Variants in FRMD4A observed in about 807,000 individuals in gnomAD.
The protein encoded by FRMD4A is FERM domain containing 4A.
Under a neutral mutation model 129.1 loss-of-function variants are expected in FRMD4A, and 29 were observed. The observed-to-expected ratio is 0.22, with a 90% confidence interval of 0.17 to 0.31. The LOEUF (loss-of-function observed/expected upper bound fraction) is 0.31, where lower values mean the gene tolerates loss of function less well. Ranked by LOEUF, FRMD4A falls within the 10% of genes least tolerant of loss-of-function variation. The pLI is 1.00. For missense variants in FRMD4A, 1,272 were observed against 1,375.8 expected (o/e 0.92, Z 1.19); for synonymous variants, 634 against 571.6 (o/e 1.11, Z -1.56).
chr10:13,888,608 C>T (rs1428709574), intron 2 of FRMD4A, among the ~76,000 whole-genome samples: 1 of 152,146 alleles, frequency 6.6e-6, no homozygotes, highest in African/African-American at 2.4e-5. Context: ...AAGATCATTA[C>T]CCTATTGCTT....
chr10:13,654,054 T>TC, intron 23 of FRMD4A: 1 of 434,828 alleles, frequency 2.3e-6, no homozygotes, highest in South Asian at 4.8e-5. Context: ...GCTCTCTTTC[T>TC]CCCCCTGACA....
chr10:14,206,984 T>G (rs1842802817), intron 2 of FRMD4A, among the ~76,000 whole-genome samples: 1 of 152,024 alleles, frequency 6.6e-6, no homozygotes, highest in Non-Finnish European at 1.5e-5. Flanking sequence ...ATCTTGGACC[T>G]AATACCTCTA....
chr10:14,239,596 C>A (rs909007464), intron 2 of FRMD4A, among the ~76,000 whole-genome samples: 10 of 151,910 alleles, frequency 6.6e-5, no homozygotes, highest in African/African-American at 2.4e-4. Context: ...CACTGCACTC[C>A]AGCCTGGGCG....
chr10:13,891,662 C>G (rs1389710504), intron 2 of FRMD4A: 4 of 985,214 alleles, frequency 4.1e-6, no homozygotes, highest in Non-Finnish European at 4.8e-6. Context: ...CGAGGAACTT[C>G]TGGCTGCAAG....
chr10:13,939,213 G>T (rs944916970), intron 2 of FRMD4A, among the ~76,000 whole-genome samples: 4 of 152,192 alleles, frequency 2.6e-5, no homozygotes, highest in Non-Finnish European at 5.9e-5. Flanking sequence ...ATCAATGTAG[G>T]GTGAGATTAG....
chr10:14,329,041 A>C (rs915753278), intron 2 of FRMD4A, among the ~76,000 whole-genome samples: 1 of 152,194 alleles, frequency 6.6e-6, no homozygotes, highest in Non-Finnish European at 1.5e-5. Context: ...TGTTCCTTTT[A>C]ACATGACCTG....
At chr10:14,194,236 A>G (rs1005484508) in intron 2 of FRMD4A, among the ~76,000 whole-genome samples, 3 of 152,150 alleles carry the variant, frequency 2.0e-5, no homozygotes, top group African/African-American at 4.8e-5. Context: ...TGACTCATCC[A>G]TCTCTGCGTT....
At chr10:13,784,211 T>G (rs965924402) in intron 5 of FRMD4A, among the ~76,000 whole-genome samples, 23 of 152,106 alleles carry the variant, frequency 1.5e-4, no homozygotes, top group Non-Finnish European at 3.1e-4. Context: ...TGTTATAATC[T>G]GAGGGCCAGA....
intron 2 of FRMD4A, among the ~76,000 whole-genome samples, chr10:13,879,962 ATTC>A (rs1254746811): frequency 1.3e-5 from 2 of 151,744 alleles, no homozygotes; most frequent in African/African-American, 4.8e-5. Context: ...CATACATTAT[ATTC>A]TTATTATTTG....
chr10:14,028,382 G>A (rs1165294612), intron 2 of FRMD4A, among the ~76,000 whole-genome samples: 1 of 152,130 alleles, frequency 6.6e-6, no homozygotes, highest in African/African-American at 2.4e-5. Flanking sequence ...AAATATGAAT[G>A]TAGAGCGTAA....
chr10:13,689,205 G>GGC (rs2085412811), intron 15 of FRMD4A, among the ~76,000 whole-genome samples: 1 of 38,840 alleles, frequency 2.6e-5, no homozygotes, highest in Non-Finnish European at 4.9e-5. Flanking sequence ...TTGCGGGGGG[G>GGC]GGGGGGGGGG....
At chr10:13,689,006 C>CTTCT (rs1267432919) in intron 15 of FRMD4A, among the ~76,000 whole-genome samples, 1 of 151,928 alleles carries the variant, frequency 6.6e-6, no homozygotes, top group African/African-American at 2.4e-5. Flanking sequence ...CCTGGCCTGG[C>CTTCT]TTCTTTAATA....
At chr10:14,307,052 C>T (rs1288072458) in intron 2 of FRMD4A, among the ~76,000 whole-genome samples, 5 of 152,224 alleles carry the variant, frequency 3.3e-5, no homozygotes, top group Admixed American at 3.3e-4. Flanking sequence ...ACATTGATGA[C>T]AGGCAAATGC....
chr10:13,928,210 A>G (rs111842719), intron 2 of FRMD4A, among the ~76,000 whole-genome samples: 1 of 150,724 alleles, frequency 6.6e-6, no homozygotes, highest in African/African-American at 2.5e-5. Flanking sequence ...TTTGCATAGA[A>G]GAAGTCTTGC....
intron 2 of FRMD4A, among the ~76,000 whole-genome samples, chr10:13,923,369 C>T (rs561755753): frequency 5.9e-5 from 9 of 152,296 alleles, no homozygotes; most frequent in Admixed American, 2.0e-4. Flanking sequence ...TACAAGTGTT[C>T]CTGAGTGCGA....
chr10:13,965,480 T>C (rs1279588252), intron 2 of FRMD4A, among the ~76,000 whole-genome samples: 2 of 152,202 alleles, frequency 1.3e-5, no homozygotes, highest in African/African-American at 2.4e-5. Flanking sequence ...GTATATTTCA[T>C]ATATAGGACA....
chr10:14,183,151 C>A (rs1438123555), intron 2 of FRMD4A, among the ~76,000 whole-genome samples: 1 of 152,154 alleles, frequency 6.6e-6, no homozygotes, highest in Non-Finnish European at 1.5e-5. Context: ...AAGTGATCTC[C>A]AGATTATATG....
At chr10:14,315,357 T>C (rs890958550) in intron 2 of FRMD4A, among the ~76,000 whole-genome samples, 1 of 152,202 alleles carries the variant, frequency 6.6e-6, no homozygotes, top group Non-Finnish European at 1.5e-5. Context: ...AAAGATATCA[T>C]TAGTCCTTAG....
chr10:13,669,192 T>A (rs2083313534), intron 17 of FRMD4A, among the ~76,000 whole-genome samples: 1 of 151,350 alleles, frequency 6.6e-6, no homozygotes, highest in African/African-American at 2.4e-5. Context: ...CCTGAGTAGC[T>A]GGGATTACAG....
Sources: allele counts gnomAD v4.1 joint callset (sites outside exome capture counted in the v4.1 genomes callset), GRCh38; gene constraint gnomAD v4.1.1; transcripts MANE v1.5; gene names NCBI Gene and HGNC (gene_info 2026-07-23, HGNC 2026-07-21).